Variants in COL4A4 observed in about 807,000 individuals in gnomAD.
COL4A4 encodes the protein collagen alpha-4(IV) chain.
In COL4A4, 105 loss-of-function variants were observed where a neutral mutation model predicts 192.9. The observed-to-expected ratio is 0.54, with a 90% CI of 0.46 to 0.64. The LOEUF (loss-of-function observed/expected upper bound fraction) is 0.64. COL4A4 is among the 30% of genes least tolerant of loss of function. COL4A4 has a pLI of 0.00. For synonymous variants in COL4A4, 762 were observed against 769.9 expected (o/e 0.99, Z 0.17); for missense variants, 1,967 against 2,169.3 (o/e 0.91, Z 1.85).
At chr2:227,159,234 G>A (rs988241883) in intron 1 of COL4A4, among the ~76,000 whole-genome samples, 7 of 152,154 alleles carry the variant, frequency 4.6e-5, no homozygotes, top group Non-Finnish European at 2.9e-5. Flanking sequence ...GTATAATTCC[G>A]TCAACACAAA....
chr2:227,159,327 G>A (rs1299109872), intron 1 of COL4A4, among the ~76,000 whole-genome samples: 1 of 152,214 alleles, frequency 6.6e-6, no homozygotes, highest in African/African-American at 2.4e-5. Context: ...TTTGGAAAGA[G>A]GGATGGATAG....
intron 40 of COL4A4, among the ~76,000 whole-genome samples, chr2:227,031,171 C>T (rs1968306779): frequency 6.6e-6 from 1 of 152,120 alleles, no homozygotes; most frequent in African/African-American, 2.4e-5. Context: ...AAACAAGTTC[C>T]CACAAATAGG....
chr2:227,121,037 C>T lies in COL4A4; in HGVS notation c.304G>A (p.Ala102Thr), dbSNP rs1353334452. The T allele has an allele frequency of 1.2e-6, 2 of 1,614,180 alleles. No homozygotes were observed. The highest frequency in any genetic ancestry group is 1.7e-6 in the Non-Finnish European group (2 of 1,180,036). ...GMRGDRGPPG[A>T]AGDKGDKGPT... ...ACCTTATCTCCTTTGTCCCCTGCTG[C>T]TCCAGGAGGGCCGCGGTCCCCTCTC... is the stretch of plus-strand genomic sequence containing the variant. Residue 102 changes from alanine to threonine, a missense_variant, in exon 5 of 48, where the codon GCA becomes ACA. Physicochemically the swap from Ala to Thr is moderately conservative, Grantham distance 58. Transcript: ENST00000396625.
At chr2:227,015,926 CCTTTT>C (rs1357277529) in intron 44 of COL4A4, among the ~76,000 whole-genome samples, 1 of 152,002 alleles carries the variant, frequency 6.6e-6, no homozygotes, top group African/African-American at 2.4e-5. Flanking sequence ...TTTTAAGTTA[CCTTTT>C]TTTTTCTTTT....
Position 227,108,923 on chromosome 2 carries a change from G to A in COL4A4, c.658-55C>T, listed in dbSNP as rs1025074249. 7.1e-6 allele frequency: 11 copies of A among 1,552,588 alleles called. No individual in the cohort carries two copies. In the African/African-American group the frequency reaches 1.5e-4, roughly 21 times the overall value. ...AATCATCAGACATAGAAATCAGAAT[G>A]TGCCTTCTTTTGTTACCCCAAAATA... On this transcript the variant is annotated intron_variant, in intron 10 of 47. Coordinates refer to ENST00000396625, the MANE Select transcript of COL4A4 (RefSeq NM_000092.5).
chr2:227,097,282 AT>A (rs1025180625), intron 19 of COL4A4, among the ~76,000 whole-genome samples: 5 of 152,120 alleles, frequency 3.3e-5, no homozygotes, highest in Non-Finnish European at 4.4e-5. Flanking sequence ...ACAGCATTAA[AT>A]TTTTTTTATT....
At chr2:227,046,291 T>C (rs1250497657) in intron 35 of COL4A4, among the ~76,000 whole-genome samples, 1 of 150,540 alleles carries the variant, frequency 6.6e-6, no homozygotes, top group Non-Finnish European at 1.5e-5. Flanking sequence ...TTCTTTCTGT[T>C]GTATGAAATG....
chr2:227,088,898 C>T, intron 21 of COL4A4, 82 bp from the exon 22 acceptor site: 1 of 1,508,788 alleles, frequency 6.6e-7, no homozygotes, highest in Admixed American at 1.7e-5. Flanking sequence ...AAACCAATAG[C>T]ATAAATGAAG....
chr2:227,027,002 C>T (rs928292050), intron 42 of COL4A4, among the ~76,000 whole-genome samples: 18 of 152,140 alleles, frequency 1.2e-4, no homozygotes, highest in Non-Finnish European at 2.9e-5. Context: ...TGCCTGTAAT[C>T]CCAGCACTTT....
Position 227,123,161 on chromosome 2 carries a change from C to T in COL4A4, c.193-2013G>A, listed in dbSNP as rs2061895819. On this transcript the variant is annotated intron_variant, in intron 4 of 47. Transcript: ENST00000396625. This position sits in a 1 kb window ranked among gnomAD's most constrained non-coding sequence, Gnocchi z 4.6. Reference sequence around the variant, plus strand: ...AATTACAGGTGTAAGCCACCATGCCCAGGTGGGATGTCACTTTAGATAGTG... The same window carrying T: ...AATTACAGGTGTAAGCCACCATGCCTAGGTGGGATGTCACTTTAGATAGTG... 1.3e-5 allele frequency among the ~76,000 whole-genome samples: 2 copies of T among 152,188 alleles called. No homozygotes were observed. Among genetic ancestry groups the T allele is most frequent in the African/African-American group, 4.8e-5 (2 of 41,440 alleles).
chr2:227,082,500 A>T (rs1368089030), intron 22 of COL4A4, among the ~76,000 whole-genome samples: 1 of 152,238 alleles, frequency 6.6e-6, no homozygotes, highest in African/African-American at 2.4e-5. Context: ...GGTTATGTGT[A>T]TGTATCACTG....
chr2:227,151,625 ATGTT>A (rs575238975), intron 1 of COL4A4, among the ~76,000 whole-genome samples: 223 of 152,336 alleles, frequency 1.5e-3, no homozygotes, highest in Middle Eastern at 6.8e-3. Context: ...CATGGTCTGA[ATGTT>A]TGTGTCCTGC....
chr2:226,968,338 G>A, the COL4A4 span, among the ~76,000 whole-genome samples: 1 of 152,190 alleles, frequency 6.6e-6, no homozygotes, highest in African/African-American at 2.4e-5. Flanking sequence ...AAAATCTGTA[G>A]GGCAGGCCGT....
chr2:227,151,299 A>T (rs1183969917), intron 1 of COL4A4, among the ~76,000 whole-genome samples: 1 of 152,204 alleles, frequency 6.6e-6, no homozygotes, highest in African/African-American at 2.4e-5. Flanking sequence ...AATTATTAGT[A>T]GTATATAATT....
chr2:227,025,797 C>T lies in COL4A4; in HGVS notation c.4090+5G>A, dbSNP rs375650049. ...GGAAATTACCAATTTTATAGCAAAG[C>T]TTACCTCTGGGACCTAGAGGGATCC... On this transcript the variant is annotated splice_donor_5th_base_variant and intron_variant, in intron 43 of 47. Coordinates refer to ENST00000396625, the MANE Select transcript of COL4A4 (RefSeq NM_000092.5). The T allele has an allele frequency of 6.2e-6, 10 of 1,612,926 alleles. No individual in the cohort carries two copies. The highest frequency in any genetic ancestry group is 1.7e-4 in the Middle Eastern group (1 of 6,058).
At chr2:227,080,304 G>A (rs896987306) in intron 24 of COL4A4, 139 bp downstream of exon 24, 18 of 789,540 alleles carry the variant, frequency 2.3e-5, no homozygotes, top group Non-Finnish European at 4.0e-5. Flanking sequence ...TCCATGTCAG[G>A]GTGCCAAAAG....
intron 2 of COL4A4, among the ~76,000 whole-genome samples, chr2:227,147,113 AC>A (rs2063596010): frequency 6.6e-6 from 1 of 152,072 alleles, no homozygotes; most frequent in African/African-American, 2.4e-5. Flanking sequence ...AGTTATAGGG[AC>A]CCTGAAACTT....
intron 44 of COL4A4, among the ~76,000 whole-genome samples, chr2:227,015,156 C>T (rs933570510): frequency 8.5e-5 from 13 of 152,156 alleles, no homozygotes; most frequent in Non-Finnish European, 1.8e-4. Context: ...CTACCTCAGC[C>T]TCCCATAGTG....
At chr2:227,017,508 A>G (rs1269168790) in intron 44 of COL4A4, among the ~76,000 whole-genome samples, 3 of 152,270 alleles carry the variant, frequency 2.0e-5, no homozygotes, top group Non-Finnish European at 2.9e-5. Context: ...GTGTGGGTAC[A>G]TCCATTAGGC....
Sources: allele counts gnomAD v4.1 joint callset (sites outside exome capture counted in the v4.1 genomes callset), GRCh38; gene constraint gnomAD v4.1.1; non-coding constraint Gnocchi (gnomAD v3.1); transcripts MANE v1.5; gene names NCBI Gene and HGNC (gene_info 2026-07-23, HGNC 2026-07-21).